OR14I1: variants seen among roughly 807,000 people sequenced by gnomAD.
The protein encoded by OR14I1 is olfactory receptor 14I1.
For missense variants in OR14I1, 279 were observed against 181.8 expected (o/e 1.53, Z -3.07); for synonymous variants, 118 against 71.1 (o/e 1.66, Z -3.32).
the OR14I1 span, chr1:248,698,770 T>A: frequency 6.6e-6 from 1 of 152,244 alleles, no homozygotes; most frequent in African/African-American, 2.4e-5. Flanking sequence ...ACTTGACTTA[T>A]ATCCTACTCC....
the OR14I1 span, chr1:248,692,047 C>G: frequency 3.3e-5 from 5 of 152,378 alleles, no homozygotes; most frequent in East Asian, 9.6e-4. Context: ...ATTCGCGTGG[C>G]GCGGGAGCGC....
At chr1:248,688,916 AT>A in the OR14I1 span, among the ~76,000 whole-genome samples, 5 of 151,940 alleles carry the variant, frequency 3.3e-5, no homozygotes, top group Non-Finnish European at 4.4e-5. Flanking sequence ...TGAAACTTCC[AT>A]TTTTTTTCTC....
At chr1:248,695,983 C>T in the OR14I1 span, among the ~76,000 whole-genome samples, 1 of 152,190 alleles carries the variant, frequency 6.6e-6, no homozygotes, top group Non-Finnish European at 1.5e-5. Context: ...TTCCACACTC[C>T]CCTTCAACTG....
the OR14I1 span, among the ~76,000 whole-genome samples, chr1:248,687,496 C>T: frequency 6.6e-6 from 1 of 151,654 alleles, no homozygotes; most frequent in Non-Finnish European, 1.5e-5. Context: ...TCACTAAATA[C>T]GATCATTTGA....
the OR14I1 span, chr1:248,691,923 CT>C: frequency 7.1e-6 from 1 of 140,890 alleles, no homozygotes; most frequent in South Asian, 2.3e-4. Flanking sequence ...CTACAAGTCT[CT>C]AGGCTAGGCA....
chr1:248,682,346 A>G (rs557075480), upstream of OR14I1: 2 of 697,256 alleles, frequency 2.9e-6, no homozygotes, highest in South Asian at 3.4e-5. Flanking sequence ...GAAAAAATAT[A>G]CAATAGTTTT....
chr1:248,691,331 A>G, the OR14I1 span, among the ~76,000 whole-genome samples: 1 of 152,342 alleles, frequency 6.6e-6, no homozygotes, highest in Non-Finnish European at 1.5e-5. Flanking sequence ...CAAAGTGTTC[A>G]GTCTCAAGGA....
At chr1:248,695,232 T>TTG in the OR14I1 span, among the ~76,000 whole-genome samples, 1 of 124,126 alleles carries the variant, frequency 8.1e-6, no homozygotes, top group African/African-American at 3.5e-5. Flanking sequence ...TGTATGCTTT[T>TTG]TTTTTTTTTT....
chr1:248,682,983 C>G (rs758978327), upstream of OR14I1, among the ~76,000 whole-genome samples: 1 of 152,196 alleles, frequency 6.6e-6, no homozygotes, highest in Non-Finnish European at 1.5e-5. Context: ...GTTGCACCTT[C>G]TCTGTGCCCG....
the OR14I1 span, among the ~76,000 whole-genome samples, chr1:248,689,079 G>T: frequency 1.4e-4 from 22 of 152,262 alleles, no homozygotes; most frequent in Non-Finnish European, 1.5e-5. Context: ...AACTTCTTGG[G>T]ACACGCGGTC....
the OR14I1 span, among the ~76,000 whole-genome samples, chr1:248,687,591 CTT>C: frequency 6.6e-6 from 1 of 152,130 alleles, no homozygotes; most frequent in Non-Finnish European, 1.5e-5. Context: ...GAAAGTGAGT[CTT>C]AATATAAAAA....
exon 1 of OR14I1, chr1:248,681,626 G>A (rs769721563): frequency 1.3e-6 from 1 of 780,966 alleles, no homozygotes; most frequent in South Asian, 1.3e-5. Context: ...TGTCCTGAAG[G>A]GATTCTGAGC....
the OR14I1 span, among the ~76,000 whole-genome samples, chr1:248,695,087 G>A: frequency 6.6e-6 from 1 of 152,184 alleles, no homozygotes; most frequent in Admixed American, 6.5e-5. Context: ...GACAAAAGGG[G>A]ATATGAGACA....
chr1:248,679,995 C>T (rs1011629895), downstream of OR14I1, among the ~76,000 whole-genome samples: 11 of 152,104 alleles, frequency 7.2e-5, no homozygotes, highest in Admixed American at 3.3e-4. Flanking sequence ...AATGTACTTT[C>T]AAGAACAGGA....
At chr1:248,680,970 G>GTGTGTGTA (rs769399449), downstream of OR14I1, among the ~76,000 whole-genome samples, 52 of 122,530 alleles carry the variant, frequency 4.2e-4, no homozygotes, top group Admixed American at 5.2e-4. Context: ...CTGTGTGCGT[G>GTGTGTGTA]TGTGTGTGTG....
the OR14I1 span, among the ~76,000 whole-genome samples, chr1:248,699,651 T>C: frequency 6.6e-6 from 1 of 152,206 alleles, no homozygotes; most frequent in Admixed American, 6.5e-5. Context: ...CTCACTGAGC[T>C]GAGGACAGGC....
the OR14I1 span, among the ~76,000 whole-genome samples, chr1:248,699,276 G>T: frequency 6.6e-6 from 1 of 152,164 alleles, no homozygotes; most frequent in Non-Finnish European, 1.5e-5. Flanking sequence ...AGCATTTAGA[G>T]AATGAGGACG....
chr1:248,697,924 T>C, the OR14I1 span, among the ~76,000 whole-genome samples: 1 of 152,230 alleles, frequency 6.6e-6, no homozygotes, highest in African/African-American at 2.4e-5. Context: ...CAAATTATAT[T>C]TTACTATGCT....
At chr1:248,693,294 A>C in the OR14I1 span, among the ~76,000 whole-genome samples, 9 of 152,052 alleles carry the variant, frequency 5.9e-5, no homozygotes, top group Non-Finnish European at 7.4e-5. Context: ...AGCATTGACT[A>C]TTCCTGGCCA....
Sources: gnomAD v4.1 joint callset for allele counts (sites outside exome capture counted in the v4.1 genomes callset) on GRCh38, gnomAD v4.1.1 for gene constraint, MANE v1.5 for transcripts, NCBI Gene and HGNC (gene_info 2026-07-23, HGNC 2026-07-21) for gene names.